The following GATM variants were observed in gnomAD, a reference collection of about 807,000 sequenced individuals.
GATM encodes the protein glycine amidinotransferase, mitochondrial.
GATM carries 23 observed loss-of-function variants against 54.2 expected under a neutral mutation model. The observed-to-expected ratio is 0.42, with a 90% CI of 0.31 to 0.60. The LOEUF (loss-of-function observed/expected upper bound fraction) is 0.60. GATM is among the 20% of genes least tolerant of loss of function. GATM has a pLI of 0.14. For synonymous variants in GATM, 168 were observed against 183.1 expected (o/e 0.92, Z 0.67); for missense variants, 401 against 544.9 (o/e 0.74, Z 2.63).
At chr15:45,383,958 G>GTA (rs1372404295) in intron 3 of GATM, among the ~76,000 whole-genome samples, 1 of 152,176 alleles carries the variant, frequency 6.6e-6, no homozygotes, top group Non-Finnish European at 1.5e-5. Context: ...CATCTATGAG[G>GTA]TATTCTTATA....
rs576364372 is a variant in GATM, at chr15:45,397,834, CT to C, written c.-479-753del. Among the ~76,000 whole-genome samples the C allele has an allele frequency of 3.3e-3, 507 of 152,288 alleles. 1 individual carries two copies. Among genetic ancestry groups the C allele is most frequent in the African/African-American group, 0.012 (484 of 41,562 alleles). On this transcript the variant is annotated intron_variant, in intron 2 of 4. Transcript: ENST00000561148. ...GGCCCTGAACCTGTGGAGTCTGATGCTATCTCCAGGTAGATAGTCTCAGCAT... is the reference window on the plus strand; with the variant it reads ...GGCCCTGAACCTGTGGAGTCTGATGCATCTCCAGGTAGATAGTCTCAGCAT...
intron 4 of GATM, 140 bp from the exon 5 acceptor site, chr15:45,366,648 A>G: frequency 2.2e-6 from 2 of 917,780 alleles, no homozygotes; most frequent in Non-Finnish European, 3.4e-6. Flanking sequence ...CATGCCTGGG[A>G]AAGAAGCGGG....
At position 45,371,151 on chromosome 15, in the gene GATM, T is replaced by A. The variant is rs1889536822; in HGVS notation, c.289-1630A>T. Among the ~76,000 whole-genome samples, 3 of 152,198 alleles carry A rather than the reference T, an allele frequency of 2.0e-5. No homozygotes were observed. In the South Asian group the frequency reaches 6.2e-4, roughly 32 times the overall value. ...GTTTTCCAAATGTCTAAGTTCTTAG[T>A]CAATTTCTCAATCATAAATACATTG... On this transcript the variant is annotated intron_variant, in intron 2 of 8. Transcript: ENST00000396659.
At chr15:45,367,953 G>C (rs1371070991) in intron 4 of GATM, 117 bp downstream of exon 4, 2 of 768,816 alleles carry the variant, frequency 2.6e-6, no homozygotes, top group Non-Finnish European at 4.3e-6. Flanking sequence ...AAAATAAGAT[G>C]ATGTTTTCGG....
intron 2 of GATM, 146 bp from the exon 3 acceptor site, chr15:45,369,667 G>A: frequency 1.4e-6 from 1 of 724,494 alleles, no homozygotes; most frequent in Non-Finnish European, 2.4e-6. Flanking sequence ...CTAGCATTGA[G>A]CACATAAGCC....
chr15:45,379,362 G>C (rs144491182), upstream of GATM: 2 of 152,156 alleles, frequency 1.3e-5, no homozygotes, highest in South Asian at 4.1e-4. Flanking sequence ...GGGGGCAAGA[G>C]ATTTGAGTAT....
chr15:45,367,936 C>T, intron 4 of GATM, 134 bp downstream of exon 4: 2 of 710,978 alleles, frequency 2.8e-6, no homozygotes, highest in Non-Finnish European at 4.8e-6. Flanking sequence ...AAAATAATCA[C>T]TTTTTAAAAA....
chr15:45,385,983 A>G (rs1889799552), intron 3 of GATM, among the ~76,000 whole-genome samples: 2 of 152,230 alleles, frequency 1.3e-5, no homozygotes, highest in Admixed American at 1.3e-4. Context: ...TGCTTTGACT[A>G]CTTCTTCACA....
chr15:45,373,521 A>C (rs1361264306), intron 2 of GATM, among the ~76,000 whole-genome samples: 1 of 151,370 alleles, frequency 6.6e-6, no homozygotes, highest in African/African-American at 2.4e-5. Context: ...ATATATCTAT[A>C]TATATATATA....
chr15:45,402,203 T>A (rs990161454), exon 1 of GATM: 15 of 588,230 alleles, frequency 2.6e-5, no homozygotes, highest in Non-Finnish European at 3.9e-5. Context: ...AAGCTCTGGG[T>A]TAGGCAACTC....
At chr15:45,362,746 A>G (rs1421300620) in intron 8 of GATM, among the ~76,000 whole-genome samples, 2 of 152,228 alleles carry the variant, frequency 1.3e-5, no homozygotes, top group African/African-American at 2.4e-5. Context: ...TACAGGTACC[A>G]AAGCAAATCC....
intron 8 of GATM, among the ~76,000 whole-genome samples, chr15:45,363,454 C>T (rs140888372): frequency 8.5e-5 from 13 of 152,294 alleles, no homozygotes; most frequent in Admixed American, 1.3e-4. Context: ...TCTTGCATTT[C>T]GCTACTTTGT....
At position 45,366,143 on chromosome 15, in the gene GATM, A is replaced by G; in HGVS notation, c.881T>C (p.Ile294Thr). 1 of 1,614,064 alleles carries G rather than the reference A, an allele frequency of 6.2e-7. No homozygotes were observed. Among genetic ancestry groups the G allele is most frequent in the African/African-American group, 1.3e-5 (1 of 75,050 alleles). ...HLAPDYRVHI[I>T]SFKDPNPMHI... ...CATGGGATTGGGATCTTTAAAGGAG[A>G]TGATATGCACTCTGTAGTCTGGAGC... The change falls in exon 6 of 9, where the codon ATC becomes ACC. Residue 294 changes from isoleucine (I) to threonine (T), a missense_variant. Around this residue, in one of 3 missense-constraint regions of GATM, gnomAD observed 321 missense variants for 457.5 expected, o/e 0.70. Transcript: ENST00000396659.
chr15:45,376,843 AT>A, intron 1 of GATM, 24 bp from the exon 2 acceptor site: 1 of 1,579,758 alleles, frequency 6.3e-7, no homozygotes, highest in Non-Finnish European at 8.7e-7. Context: ...AGAAAAGATT[AT>A]TGTATTGCAT....
chr15:45,369,224 G>A, intron 3 of GATM, 102 bp downstream of exon 3: 1 of 928,536 alleles, frequency 1.1e-6, no homozygotes, highest in South Asian at 1.4e-5. Flanking sequence ...AACTAGCAAA[G>A]CAAAGGACTC....
chr15:45,365,084 T>C (rs1889427470), intron 6 of GATM, among the ~76,000 whole-genome samples: 1 of 152,176 alleles, frequency 6.6e-6, no homozygotes, highest in Non-Finnish European at 1.5e-5. Context: ...AACAGAAATG[T>C]TACAGCTTTT....
chr15:45,364,199 T>G, intron 7 of GATM, 183 bp from the exon 8 acceptor site: 1 of 601,506 alleles, frequency 1.7e-6, no homozygotes, highest in Middle Eastern at 4.4e-4. Context: ...GTACTCATTA[T>G]ACATTTGAAT....
chr15:45,373,070 G>A lies in GATM; in HGVS notation c.288+3531C>T, dbSNP rs373813574. The stretch of plus-strand genomic sequence containing the variant: ...AGTGAATTTTTAAATACTGTCTTTG[G>A]AAGGCTAAGAAATGACAACAGAAAT... On this transcript the variant is annotated intron_variant, in intron 2 of 8. Transcript: ENST00000396659. Among the ~76,000 whole-genome samples the A allele has an allele frequency of 4.3e-4, 66 of 152,292 alleles. No individual in the cohort carries two copies. The East Asian group carries it at 7.1e-3, about 16-fold the overall frequency.
At chr15:45,376,245 G>A (rs577027318) in intron 2 of GATM, among the ~76,000 whole-genome samples, 1 of 152,230 alleles carries the variant, frequency 6.6e-6, no homozygotes, top group African/African-American at 2.4e-5. Flanking sequence ...ATCCGGACCA[G>A]AGAGGAGGTG....
Sources: gnomAD v4.1 joint callset for allele counts (sites outside exome capture counted in the v4.1 genomes callset) on GRCh38, gnomAD v4.1.1 for gene constraint, gnomAD v4.1.1 regional missense constraint, MANE v1.5 for transcripts, NCBI Gene and HGNC (gene_info 2026-07-23, HGNC 2026-07-21) for gene names.